CHN2: variants seen among roughly 807,000 people sequenced by gnomAD.
CHN2 encodes chimerin 2.
Under a neutral mutation model 56.3 loss-of-function variants are expected in CHN2, and 35 were observed. The observed-to-expected ratio is 0.62, with a 90% CI of 0.47 to 0.82. CHN2 has a LOEUF of 0.82. Among genes scored for constraint, CHN2 ranks in the 40% least tolerant of loss-of-function variants. The pLI is 0.00. For synonymous variants in CHN2, 210 were observed against 212.8 expected, an observed-to-expected ratio of 0.99 and a Z score of 0.12; for missense variants, 491 against 580.5, an observed-to-expected ratio of 0.85 and a Z score of 1.58.
intron 7 of CHN2, among the ~76,000 whole-genome samples, chr7:29,481,663 T>TTG (rs199976065): frequency 1.4e-4 from 22 of 151,830 alleles, no homozygotes; most frequent in African/African-American, 3.9e-4. Flanking sequence ...CTCCCGTTTT[T>TTG]TTTTTTTTTT....
intron 1 of CHN2, among the ~76,000 whole-genome samples, chr7:29,247,148 T>A (rs992419671): frequency 3.9e-5 from 6 of 151,992 alleles, no homozygotes; most frequent in African/African-American, 1.5e-4. Flanking sequence ...GCTGAGAAGG[T>A]GGGATAGGAG....
intron 1 of CHN2, among the ~76,000 whole-genome samples, chr7:29,290,054 G>A (rs1417149387): frequency 1.3e-5 from 2 of 152,196 alleles, no homozygotes; most frequent in African/African-American, 4.8e-5. Context: ...ATTAGAATTT[G>A]GATCTTTAGG....
chr7:29,308,955 A>G (rs185772204), intron 1 of CHN2, among the ~76,000 whole-genome samples: 20 of 152,290 alleles, frequency 1.3e-4, no homozygotes, highest in East Asian at 3.9e-4. Flanking sequence ...GCTCACTACT[A>G]TGTGCACAAA....
At chr7:29,286,628 A>G (rs936992832) in intron 1 of CHN2, among the ~76,000 whole-genome samples, 1 of 152,140 alleles carries the variant, frequency 6.6e-6, no homozygotes, top group African/African-American at 2.4e-5. Context: ...TGCTTTGTAA[A>G]GTGGGGTCAT....
At chr7:29,476,675 TG>T (rs1786624277) in intron 6 of CHN2, among the ~76,000 whole-genome samples, 1 of 152,178 alleles carries the variant, frequency 6.6e-6, no homozygotes, top group Non-Finnish European at 1.5e-5. Context: ...TATTCTCAAC[TG>T]GAGACAGCGT....
At chr7:29,176,278 A>G (rs1449303357) in intron 2 of CHN2, among the ~76,000 whole-genome samples, 2 of 152,172 alleles carry the variant, frequency 1.3e-5, no homozygotes, top group African/African-American at 4.8e-5. Context: ...GAAGGCCAAT[A>G]GGTCCTGAGC....
chr7:29,360,705 A>G (rs1393869101), intron 2 of CHN2, among the ~76,000 whole-genome samples: 2 of 152,174 alleles, frequency 1.3e-5, no homozygotes, highest in Non-Finnish European at 2.9e-5. Context: ...GTCATGGCCA[A>G]GTGCCTGGGT....
At chr7:29,317,360 G>A (rs527378625) in intron 1 of CHN2, among the ~76,000 whole-genome samples, 1 of 152,270 alleles carries the variant, frequency 6.6e-6, no homozygotes, top group East Asian at 1.9e-4. Flanking sequence ...CGTCAGAATT[G>A]GGGAAGAATC....
chr7:29,151,577 C>T (rs994632878), intron 2 of CHN2, among the ~76,000 whole-genome samples: 4 of 152,126 alleles, frequency 2.6e-5, no homozygotes, highest in African/African-American at 7.2e-5. Context: ...GTTTGCCCAA[C>T]ACTTTTTATA....
At chr7:29,325,748 A>C (rs1038143039) in intron 1 of CHN2, among the ~76,000 whole-genome samples, 6 of 152,176 alleles carry the variant, frequency 3.9e-5, no homozygotes, top group African/African-American at 1.2e-4. Flanking sequence ...GGTCTGAAAA[A>C]TGTTTCCTTC....
At chr7:29,309,849 C>T (rs1223138725) in intron 1 of CHN2, among the ~76,000 whole-genome samples, 9 of 152,140 alleles carry the variant, frequency 5.9e-5, no homozygotes, top group South Asian at 2.1e-4. Context: ...GGAGACCTCG[C>T]GGGCTCATGG....
chr7:29,212,591 A>G, intron 1 of CHN2: 1 of 1,413,766 alleles, frequency 7.1e-7, no homozygotes, highest in South Asian at 1.2e-5. Flanking sequence ...GAAACAGAAG[A>G]CCAGAACTGT....
chr7:29,428,878 G>A (rs1805141243), intron 6 of CHN2, among the ~76,000 whole-genome samples: 1 of 152,156 alleles, frequency 6.6e-6, no homozygotes, highest in Admixed American at 6.5e-5. Context: ...ATATAAAGAG[G>A]TTCTGAGACC....
At chr7:29,336,344 A>G (rs918945846) in intron 1 of CHN2, among the ~76,000 whole-genome samples, 12 of 152,100 alleles carry the variant, frequency 7.9e-5, no homozygotes, top group Admixed American at 7.9e-4. Context: ...GGGCATGGTG[A>G]CCCACACCTG....
intron 1 of CHN2, among the ~76,000 whole-genome samples, chr7:29,220,959 G>T (rs372592607): frequency 2.2e-4 from 34 of 152,256 alleles, no homozygotes; most frequent in African/African-American, 7.9e-4. Context: ...GGAATCCATG[G>T]TTGATTTAAC....
chr7:29,384,054 T>C (rs981364978), intron 3 of CHN2, among the ~76,000 whole-genome samples: 2 of 152,130 alleles, frequency 1.3e-5, no homozygotes, highest in African/African-American at 4.8e-5. Flanking sequence ...AGATTATGAT[T>C]TCTAGCTTGG....
chr7:29,392,205 T>C (rs1585242719), intron 3 of CHN2, among the ~76,000 whole-genome samples: 1 of 152,232 alleles, frequency 6.6e-6, no homozygotes, highest in East Asian at 1.9e-4. Context: ...AAATTTCTTC[T>C]CTGGCATGTT....
chr7:29,507,310 C>CT lies in CHN2; in HGVS notation c.1076dup (p.Leu359PhefsTer9). 3 of 1,613,012 alleles carry CT rather than the reference C, an allele frequency of 1.9e-6. No homozygotes were observed. Among genetic ancestry groups the CT allele is most frequent in the Non-Finnish European group, 2.5e-6 (3 of 1,179,010 alleles). On this transcript the variant is annotated frameshift_variant, in exon 11 of 13. Coordinates refer to ENST00000222792, the MANE Select transcript of CHN2 (RefSeq NM_004067.4). LOFTEE classifies it high-confidence loss of function. Reference sequence around the variant, plus strand: ...GAGCCCTTAAACTGTATTTCAGAGACTTACCCATCCCTGTCATCACATATG... The same window carrying CT: ...GAGCCCTTAAACTGTATTTCAGAGACTTTACCCATCCCTGTCATCACATATG...
At chr7:29,149,885 C>T (rs1221351399) in intron 2 of CHN2, among the ~76,000 whole-genome samples, 1 of 152,194 alleles carries the variant, frequency 6.6e-6, no homozygotes, top group Non-Finnish European at 1.5e-5. Flanking sequence ...ACACCAATGA[C>T]ATTGGATTAG....
Sources: gnomAD v4.1 joint callset for allele counts (sites outside exome capture counted in the v4.1 genomes callset) on GRCh38, gnomAD v4.1.1 for gene constraint, MANE v1.5 for transcripts, NCBI Gene and HGNC (gene_info 2026-07-23, HGNC 2026-07-21) for gene names.